Variants in ABRAXAS1 observed in about 807,000 individuals in gnomAD.
The protein encoded by ABRAXAS1 is abraxas 1, BRCA1 A complex subunit.
A neutral mutation model predicts 38.4 loss-of-function variants in ABRAXAS1; 26 were observed. The observed-to-expected ratio is 0.68, with a 90% CI of 0.50 to 0.94. The LOEUF (loss-of-function observed/expected upper bound fraction) is 0.94, where lower values mean the gene tolerates loss of function less well. Ranked by LOEUF, ABRAXAS1 falls within the 40% of genes least tolerant of loss-of-function variation. ABRAXAS1 has a pLI of 0.00. For synonymous variants in ABRAXAS1, 144 were observed against 165.5 expected (o/e 0.87, Z 1.00); for missense variants, 438 against 481.9 (o/e 0.91, Z 0.85).
chr4:83,481,671 G>T (rs534812616), intron 2 of ABRAXAS1, among the ~76,000 whole-genome samples: 2 of 152,186 alleles, frequency 1.3e-5, no homozygotes, highest in African/African-American at 2.4e-5. Context: ...TCTTACTTTA[G>T]ACCAGTCCAT....
chr4:83,469,279 A>C, intron 5 of ABRAXAS1, 128 bp from the exon 6 acceptor site: 1 of 748,968 alleles, frequency 1.3e-6, no homozygotes, highest in Non-Finnish European at 2.2e-6. Context: ...ATTCTTTACT[A>C]CTTATCCAAA....
intron 1 of ABRAXAS1, 197 bp downstream of exon 1, chr4:83,484,789 C>A: frequency 2.2e-6 from 1 of 459,124 alleles, no homozygotes; most frequent in Non-Finnish European, 3.9e-6. Context: ...AGAGGGAGGG[C>A]TAATGCTGGA....
intron 3 of ABRAXAS1, among the ~76,000 whole-genome samples, chr4:83,474,190 A>C (rs1421175008): frequency 6.7e-6 from 1 of 149,200 alleles, no homozygotes; most frequent in Non-Finnish European, 1.5e-5. Flanking sequence ...TAAAATCTCT[A>C]TCTATCCATC....
intron 2 of ABRAXAS1, 52 bp downstream of exon 2, chr4:83,482,102 T>G: frequency 8.5e-7 from 1 of 1,171,228 alleles, no homozygotes; most frequent in Non-Finnish European, 1.2e-6. Flanking sequence ...GCATAAACTA[T>G]CAAATATAGG....
chr4:83,481,577 G>A lies in ABRAXAS1; in HGVS notation c.178+577C>T, dbSNP rs1049040846. 4.5e-4 allele frequency among the ~76,000 whole-genome samples: 69 copies of A among 151,884 alleles called. 1 individual carries two copies. The highest frequency in any genetic ancestry group is 1.4e-3 in the African/African-American group (59 of 41,314). ...CTTTTTCCTTGGTCTTCCTATTGCC[G>A]GGCCATCTTCCTACTAAACAGCAGG... On this transcript the variant is annotated intron_variant, in intron 2 of 8. Coordinates refer to ENST00000321945, the MANE Select transcript of ABRAXAS1 (RefSeq NM_139076.3).
At chr4:83,468,993 G>A (rs754583741) in intron 6 of ABRAXAS1, 39 bp downstream of exon 6, 2 of 1,588,776 alleles carry the variant, frequency 1.3e-6, no homozygotes, top group South Asian at 2.3e-5. Flanking sequence ...TAATTTCAAA[G>A]ATGAATAGAA....
intron 2 of ABRAXAS1, chr4:83,479,939 T>G (rs1722925803): frequency 6.7e-6 from 1 of 148,802 alleles, no homozygotes; most frequent in Non-Finnish European, 1.4e-5. Flanking sequence ...CCAGCCTGGC[T>G]GAAAGAGCAA....
chr4:83,469,965 A>T, intron 5 of ABRAXAS1: 2 of 363,790 alleles, frequency 5.5e-6, no homozygotes, highest in Non-Finnish European at 9.8e-6. Flanking sequence ...AGTAGTAAAT[A>T]AGAGCAAATC....
intron 2 of ABRAXAS1, among the ~76,000 whole-genome samples, chr4:83,480,800 G>C (rs1349274512): frequency 1.3e-5 from 2 of 152,156 alleles, no homozygotes; most frequent in East Asian, 3.8e-4. Flanking sequence ...TTAAATCACA[G>C]TAAGGCCACA....
chr4:83,469,496 T>C (rs1407538051), intron 5 of ABRAXAS1: 2 of 228,548 alleles, frequency 8.8e-6, no homozygotes, highest in African/African-American at 4.5e-5. Flanking sequence ...TTTAAGTTTT[T>C]TGTAGAGATG....
At chr4:83,483,969 G>T in intron 1 of ABRAXAS1, 1 of 944,510 alleles carries the variant, frequency 1.1e-6, no homozygotes. Context: ...AAGGTTATCT[G>T]AAATTGTATA....
At chr4:83,471,156 C>T (rs1722568600) in intron 4 of ABRAXAS1, among the ~76,000 whole-genome samples, 1 of 143,602 alleles carries the variant, frequency 7.0e-6, no homozygotes, top group South Asian at 2.2e-4. Flanking sequence ...AAAACACAAG[C>T]ATTTTCAGCC....
intron 3 of ABRAXAS1, among the ~76,000 whole-genome samples, chr4:83,475,134 G>C (rs1293343741): frequency 6.6e-6 from 1 of 152,140 alleles, no homozygotes; most frequent in African/African-American, 2.4e-5. Flanking sequence ...GGTTGAAAAA[G>C]GTACTGAATC....
At chr4:83,484,350 G>A (rs1239659143) in intron 1 of ABRAXAS1, among the ~76,000 whole-genome samples, 1 of 152,172 alleles carries the variant, frequency 6.6e-6, no homozygotes, top group African/African-American at 2.4e-5. Flanking sequence ...AACTACTTCC[G>A]AGCTCAACGT....
chr4:83,477,544 C>A, intron 2 of ABRAXAS1: 1 of 468,970 alleles, frequency 2.1e-6, no homozygotes, highest in South Asian at 1.7e-5. Context: ...CCACTGTAAG[C>A]CATGAGATGT....
chr4:83,465,470 GA>G (rs1049186180), intron 7 of ABRAXAS1, among the ~76,000 whole-genome samples: 34 of 152,116 alleles, frequency 2.2e-4, no homozygotes, highest in African/African-American at 8.0e-4. Context: ...GCAAATGGCA[GA>G]GTGAAAATAG....
Position 83,485,062 on chromosome 4 carries a change from T to TC in ABRAXAS1, c.10dup (p.Glu4GlyfsTer37). The TC allele has an allele frequency of 6.3e-7, 1 of 1,587,126 alleles. No individual in the cohort carries two copies. Among genetic ancestry groups the TC allele is most frequent in the Non-Finnish European group, 8.6e-7 (1 of 1,167,148 alleles). ...GCCCGAGAGCACCGCCGACGTACTC[T>TC]CCCCCTCCATGCTACCGCCGCCTCA... is the stretch of plus-strand genomic sequence containing the variant. On this transcript the variant is annotated frameshift_variant, in exon 1 of 9. Transcript: ENST00000321945. LOFTEE classifies it high-confidence loss of function.
At chr4:83,463,382 G>C (rs1578123011) in intron 8 of ABRAXAS1, 112 bp downstream of exon 8, 2 of 641,500 alleles carry the variant, frequency 3.1e-6, no homozygotes, top group East Asian at 3.1e-5. Flanking sequence ...GCAGTAAGCT[G>C]AGATCACACC....
chr4:83,471,187 ACAT>A (rs1200078052), intron 4 of ABRAXAS1, among the ~76,000 whole-genome samples: 2 of 139,510 alleles, frequency 1.4e-5, no homozygotes, highest in South Asian at 4.5e-4. Flanking sequence ...GTTGAAAGAA[ACAT>A]CTTTTTTTTT....
Sources: allele counts gnomAD v4.1 joint callset (sites outside exome capture counted in the v4.1 genomes callset), GRCh38; gene constraint gnomAD v4.1.1; transcripts MANE v1.5; gene names NCBI Gene and HGNC (gene_info 2026-07-23, HGNC 2026-07-21).